CDKL5: variants seen among roughly 807,000 people sequenced by gnomAD.
CDKL5 encodes the protein cyclin dependent kinase like 5, also known as cyclin-dependent kinase-like 5.
A neutral mutation model predicts 61.7 loss-of-function variants in CDKL5; 8 were observed. The ratio of observed to expected loss-of-function variants is 0.13; its 90% CI spans 0.08 to 0.23. The LOEUF (loss-of-function observed/expected upper bound fraction) is 0.23, where lower values mean the gene tolerates loss of function less well. Among genes scored for constraint, CDKL5 ranks in the 10% least tolerant of loss-of-function variants. CDKL5 has a pLI of 1.00. For synonymous variants in CDKL5, 275 were observed against 272.3 expected (o/e 1.01, Z -0.10); for missense variants, 440 against 734.5 (o/e 0.60, Z 4.63).
intron 1 of CDKL5, among the ~76,000 whole-genome samples, chrX:18,436,897 C>CAAAAAAAA (rs60845430): frequency 6.3e-5 from 1 of 15,799 alleles, no homozygotes; most frequent in Non-Finnish European, 1.3e-4. Context: ...ACTCTTGACT[C>CAAAAAAAA]AAAAAAAAAA....
Position 18,633,431 on chromosome X carries a change from G to A in CDKL5, c.*4674G>A, listed in dbSNP as rs760890090. Reference sequence around the variant, plus strand: ...AATTCCCAGGGCCAGAATCTCACAAGAAGATCCTCTCAAAGACTTAAAAGC... The same window carrying A: ...AATTCCCAGGGCCAGAATCTCACAAAAAGATCCTCTCAAAGACTTAAAAGC... On this transcript the variant is annotated 3_prime_UTR_variant, in exon 18 of 18. Transcript: ENST00000623535. The A allele has an allele frequency of 4.6e-5, 35 of 753,025 alleles. No homozygotes were observed. The East Asian group carries it at 5.0e-3, about 108-fold the overall frequency. The allele number at this position is 753,025 out of a possible 1,213,427, so 62.1% of individuals were successfully genotyped here. A position where few individuals can be genotyped will look rare whatever the true frequency, so the allele number is the denominator to read the frequency against.
intron 21 of CDKL5, chrX:18,650,633 G>A (rs752986338): frequency 4.2e-6 from 5 of 1,185,137 alleles, no homozygotes; most frequent in Admixed American, 2.2e-5. Flanking sequence ...AGCCTGGGCT[G>A]TACCTCGGAA....
At chrX:18,651,782 A>T (rs2147199479) in intron 21 of CDKL5, among the ~76,000 whole-genome samples, 1 of 112,127 alleles carries the variant, frequency 8.9e-6, no homozygotes, top group East Asian at 2.8e-4. Flanking sequence ...GACATTTCCC[A>T]CACTGTGTGT....
chrX:18,458,753 G>A (rs1265211235), intron 1 of CDKL5, among the ~76,000 whole-genome samples: 3 of 112,063 alleles, frequency 2.7e-5, no homozygotes, highest in Non-Finnish European at 3.8e-5. Flanking sequence ...TAAAGGTTCA[G>A]TTCCTCAGTT....
At chrX:18,536,963 A>G (rs1213400178) in intron 3 of CDKL5, among the ~76,000 whole-genome samples, 1 of 107,552 alleles carries the variant, frequency 9.3e-6, no homozygotes, top group Non-Finnish European at 1.9e-5. Flanking sequence ...ACATATACCC[A>G]TTACTTTCAA....
At chrX:18,622,827 G>A (rs1334665129) in intron 16 of CDKL5, among the ~76,000 whole-genome samples, 1 of 111,711 alleles carries the variant, frequency 9.0e-6, no homozygotes, top group South Asian at 3.8e-4. Flanking sequence ...CCTCTGTGGG[G>A]AGCCTCTAGG....
chrX:18,599,913 C>T (rs1463129830), intron 11 of CDKL5, among the ~76,000 whole-genome samples: 2 of 111,589 alleles, frequency 1.8e-5, no homozygotes, highest in Non-Finnish European at 3.8e-5. Flanking sequence ...TGGCCCACTG[C>T]AGCCTCTGCC....
chrX:18,591,260 G>A lies in CDKL5; in HGVS notation c.744+3117G>A, dbSNP rs182735838. Among the ~76,000 whole-genome samples the A allele has an allele frequency of 4.4e-3, 487 of 111,804 alleles. 2 individuals are homozygous for A. Among genetic ancestry groups the A allele is most frequent in the Middle Eastern group, 0.042 (9 of 213 alleles). On this transcript the variant is annotated intron_variant, in intron 9 of 17. Transcript: ENST00000623535. Reference sequence around the variant, plus strand: ...GTTAACTATCTAGTCCTCTCACACTGGAATATGTTTCTCAAGGGCAGAAAT... The same window carrying A: ...GTTAACTATCTAGTCCTCTCACACTAGAATATGTTTCTCAAGGGCAGAAAT...
chrX:18,603,978 G>C lies in CDKL5; in HGVS notation c.1054G>C (p.Gly352Arg), dbSNP rs749420859. Residue 352 changes from glycine (G) to arginine (R), a missense_variant, in exon 12 of 18, where the codon GGC (glycine) becomes CGC (arginine). By Grantham distance (125) the Gly-to-Arg change is moderately radical. Around this residue, in one of 2 missense-constraint regions of CDKL5, gnomAD observed 363 missense variants for 516.3 expected, o/e 0.70. Coordinates refer to ENST00000623535, the MANE Select transcript of CDKL5 (RefSeq NM_001323289.2). ...NSKDIQNLSVGLPRADEGLPA... is the reference protein window; with the variant it reads ...NSKDIQNLSVRLPRADEGLPA... Reference sequence around the variant, plus strand: ...CAAGGACATCCAGAACCTGAGTGTAGGCCTGCCCCGGGCTGACGAAGGTCT... The same window carrying C: ...CAAGGACATCCAGAACCTGAGTGTACGCCTGCCCCGGGCTGACGAAGGTCT... 1 of 1,210,580 alleles carries C rather than the reference G, an allele frequency of 8.3e-7. No individual in the cohort carries two copies. Among genetic ancestry groups the C allele is most frequent in the South Asian group, 1.8e-5 (1 of 56,916 alleles).
At chrX:18,486,308 C>CT (rs201041104) in intron 1 of CDKL5, among the ~76,000 whole-genome samples, 34 of 111,615 alleles carry the variant, frequency 3.0e-4, no homozygotes, top group African/African-American at 8.8e-4. Context: ...CAAAGTTAAT[C>CT]TTTTTTTTCT....
chrX:18,620,979 A>C (rs1000570708), intron 16 of CDKL5, among the ~76,000 whole-genome samples: 1 of 111,999 alleles, frequency 8.9e-6, no homozygotes, highest in Admixed American at 9.5e-5. Flanking sequence ...AGCTCAAGCA[A>C]TCTGCCCACT....
At position 18,635,748 on chromosome X, in the gene CDKL5, G is replaced by A; in HGVS notation, c.*6991G>A. The A allele has an allele frequency of 3.2e-6, 1 of 312,135 alleles. No individual in the cohort carries two copies. Among genetic ancestry groups the A allele is most frequent in the Non-Finnish European group, 4.2e-6 (1 of 235,536 alleles). The allele number at this position is 312,135 out of a possible 1,213,427, so 25.7% of individuals were successfully genotyped here. ...GGAAGAGAGGCCAATCTTGTGCTAA[G>A]TGCTATGGAGAAAGCAAAGATGCAC... On this transcript the variant is annotated 3_prime_UTR_variant, in exon 18 of 18. Coordinates refer to ENST00000623535, the MANE Select transcript of CDKL5 (RefSeq NM_001323289.2).
chrX:18,653,409 C>T (rs1377708391), intron 21 of CDKL5: 6 of 1,208,063 alleles, frequency 5.0e-6, no homozygotes, highest in East Asian at 3.0e-5. Context: ...TGAGTGACCC[C>T]GCTGTCCTTC....
chrX:18,553,659 A>T (rs200665245), intron 3 of CDKL5, among the ~76,000 whole-genome samples: 1 of 110,424 alleles, frequency 9.1e-6, no homozygotes, highest in East Asian at 2.8e-4. Context: ...CGCTGGGCTA[A>T]TTTTTTTGTA....
rs1927260869 is a variant in CDKL5, at chrX:18,632,372, C to A, written c.*3615C>A. 1.3e-6 allele frequency: 1 copy of A among 752,495 alleles called. No homozygotes were observed. The highest frequency in any genetic ancestry group is 2.3e-5 in the African/African-American group (1 of 43,254). The allele number at this position is 752,495 out of a possible 1,213,427, so 62.0% of individuals were successfully genotyped here. The stretch of plus-strand genomic sequence containing the variant: ...CATCCTTAGAAAATCTTTCATAGAG[C>A]CATGAGGCTTATATTTAGAAGCAAG... On this transcript the variant is annotated 3_prime_UTR_variant, in exon 18 of 18. Coordinates refer to ENST00000623535, the MANE Select transcript of CDKL5 (RefSeq NM_001323289.2).
chrX:18,554,412 G>A (rs1471959315), intron 3 of CDKL5, among the ~76,000 whole-genome samples: 4 of 103,776 alleles, frequency 3.9e-5, no homozygotes, highest in African/African-American at 1.4e-4. Context: ...ATATTTCACT[G>A]TCTTTTTTTT....
chrX:18,491,091 T>G (rs1921981353), intron 1 of CDKL5, among the ~76,000 whole-genome samples: 1 of 112,115 alleles, frequency 8.9e-6, no homozygotes. Flanking sequence ...CTCTGAAATA[T>G]GCTGAAAGAT....
intron 1 of CDKL5, among the ~76,000 whole-genome samples, chrX:18,493,320 T>C (rs191668876): frequency 8.5e-4 from 96 of 112,392 alleles, no homozygotes; most frequent in African/African-American, 3.1e-3. Flanking sequence ...CTGTTTTCTT[T>C]ACTGTTATGT....
intron 1 of CDKL5, among the ~76,000 whole-genome samples, chrX:18,495,627 C>G (rs919568630): frequency 1.6e-4 from 18 of 111,829 alleles, no homozygotes; most frequent in Non-Finnish European, 3.0e-4. Context: ...CCCTTCCTGC[C>G]TCTTGCGAGG....
Sources: allele counts gnomAD v4.1 joint callset (sites outside exome capture counted in the v4.1 genomes callset), GRCh38; gene constraint gnomAD v4.1.1; regional missense constraint gnomAD v4.1.1; transcripts MANE v1.5; gene names NCBI Gene and HGNC (gene_info 2026-07-23, HGNC 2026-07-21).